TOM1L1: variants seen among roughly 807,000 people sequenced by gnomAD.
TOM1L1 encodes target of myb1 like 1 membrane trafficking protein.
A neutral mutation model predicts 63.4 loss-of-function variants in TOM1L1; 64 were observed. The ratio of observed to expected loss-of-function variants is 1.01; its 90% CI spans 0.83 to 1.24. The LOEUF is 1.24. TOM1L1 is among the 50% of genes most tolerant of loss of function. The pLI, the probability that TOM1L1 is intolerant of heterozygous loss-of-function variation, is 0.00. For synonymous variants in TOM1L1, 166 were observed against 194.4 expected (o/e 0.85, Z 1.22); for missense variants, 536 against 567.0 (o/e 0.95, Z 0.55).
chr17:54,921,876 A>G (rs891144559), intron 7 of TOM1L1, among the ~76,000 whole-genome samples: 48 of 152,354 alleles, frequency 3.2e-4, no homozygotes, highest in African/African-American at 1.1e-3. Flanking sequence ...CTTAGCTACT[A>G]ATAGCCTACT....
intron 2 of TOM1L1, 72 bp downstream of exon 2, chr17:54,903,864 C>A: frequency 2.2e-6 from 3 of 1,384,558 alleles, no homozygotes; most frequent in Non-Finnish European, 3.0e-6. Context: ...TTTTCTCTTG[C>A]AAATATTTCG....
At chr17:54,940,676 G>GA (rs921667577) in intron 11 of TOM1L1, among the ~76,000 whole-genome samples, 1 of 151,832 alleles carries the variant, frequency 6.6e-6, no homozygotes, top group Non-Finnish European at 1.5e-5. Flanking sequence ...TGCTAAGTAG[G>GA]AAAAAAAGGT....
chr17:54,958,748 A>AGGG (rs57608062), intron 14 of TOM1L1, among the ~76,000 whole-genome samples: 1 of 118,928 alleles, frequency 8.4e-6, no homozygotes, highest in Non-Finnish European at 1.7e-5. Context: ...AAAAAAAAAA[A>AGGG]GGGGTTGTTG....
At chr17:54,900,979 C>A in intron 1 of TOM1L1, 56 bp downstream of exon 1, 1 of 1,609,578 alleles carries the variant, frequency 6.2e-7, no homozygotes, top group Non-Finnish European at 8.5e-7. Context: ...GGATCCTTTC[C>A]TGCTTGATCC....
At chr17:54,934,029 G>C (rs2048907507) in intron 8 of TOM1L1, among the ~76,000 whole-genome samples, 1 of 152,206 alleles carries the variant, frequency 6.6e-6, no homozygotes, top group Non-Finnish European at 1.5e-5. Flanking sequence ...GTGAGAAGGG[G>C]CTAGAGGAAT....
intron 14 of TOM1L1, among the ~76,000 whole-genome samples, chr17:54,951,370 T>A (rs963338832): frequency 6.6e-6 from 1 of 152,130 alleles, no homozygotes; most frequent in African/African-American, 2.4e-5. Flanking sequence ...AACCCAGTCC[T>A]CTAGGGTTTT....
Position 54,912,821 on chromosome 17 carries a change from T to G in TOM1L1, c.372+6T>G. On this transcript the variant is annotated splice_donor_region_variant and intron_variant, in intron 4 of 15. Coordinates refer to ENST00000575882, the MANE Select transcript of TOM1L1 (RefSeq NM_005486.3). Reference sequence around the variant, plus strand: ...GAATCTTGAATTTCATTAAGGTAAGTCTGTTGTATACCTCATGGGATGGTA... The same window carrying G: ...GAATCTTGAATTTCATTAAGGTAAGGCTGTTGTATACCTCATGGGATGGTA... The G allele has an allele frequency of 6.3e-7, 1 of 1,598,504 alleles. No individual in the cohort carries two copies. The highest frequency in any genetic ancestry group is 8.5e-7 in the Non-Finnish European group (1 of 1,174,852).
chr17:54,931,949 G>GTTTTTTTTTTT (rs10632110), intron 8 of TOM1L1, among the ~76,000 whole-genome samples: 15 of 121,454 alleles, frequency 1.2e-4, no homozygotes, highest in African/African-American at 2.6e-4. Context: ...TTTTTTCTTC[G>GTTTTTTTTTTT]TTTTTTTTTT....
chr17:54,922,977 AT>A (rs1157862895), intron 7 of TOM1L1, among the ~76,000 whole-genome samples: 1 of 152,200 alleles, frequency 6.6e-6, no homozygotes, highest in Non-Finnish European at 1.5e-5. Context: ...TGTTCTGGAC[AT>A]TTCATATAGG....
chr17:54,939,901 C>T (rs1271908943), intron 11 of TOM1L1, among the ~76,000 whole-genome samples: 1 of 152,104 alleles, frequency 6.6e-6, no homozygotes, highest in Non-Finnish European at 1.5e-5. Flanking sequence ...GGTCATTTCT[C>T]TATTGAAGGA....
In TOM1L1 at chr17:54,955,714, TTC is replaced by T. The variant is rs571334325; in HGVS notation, c.1371-4850_1371-4849del. 1.3e-4 allele frequency among the ~76,000 whole-genome samples: 20 copies of T among 152,206 alleles called. No individual in the cohort carries two copies. The South Asian group carries it at 3.7e-3, about 28-fold the overall frequency. On this transcript the variant is annotated intron_variant, in intron 14 of 15. Transcript: ENST00000575882. Reference sequence around the variant, plus strand: ...GTCTCCCAGACCTGAAAGAAGGAACTTCTTTTTCTCAACAATCCTGGATCCCT... The same window carrying T: ...GTCTCCCAGACCTGAAAGAAGGAACTTTTTTCTCAACAATCCTGGATCCCT...
rs1215724754 is a variant in TOM1L1 at position 54,930,298 on chromosome 17, C to T, written c.854+92C>T. ...TCTTATCAGAGTGCCTACAAGTGAC[C>T]CCTCTTTCTAGATTCTCCATTCTCA... On this transcript the variant is annotated intron_variant, in intron 8 of 15. Transcript: ENST00000575882. 1.2e-5 allele frequency: 18 copies of T among 1,535,318 alleles called. No individual in the cohort carries two copies. The Admixed American group carries it at 2.8e-4, about 24-fold the overall frequency.
chr17:54,929,991 G>A (rs2048831033), intron 7 of TOM1L1, 82 bp from the exon 8 acceptor site: 1 of 1,567,390 alleles, frequency 6.4e-7, no homozygotes, highest in African/African-American at 1.4e-5. Context: ...GGTGACTGTA[G>A]GTATGCGCAG....
At chr17:54,950,539 T>A (rs557833749) in intron 14 of TOM1L1, among the ~76,000 whole-genome samples, 2 of 152,340 alleles carry the variant, frequency 1.3e-5, no homozygotes, top group South Asian at 4.1e-4. Flanking sequence ...TTTTTAGTCT[T>A]CTAAAGCATT....
chr17:54,950,101 C>T lies in TOM1L1; in HGVS notation c.1345C>T (p.Pro449Ser). 1 of 1,613,594 alleles carries T rather than the reference C, an allele frequency of 6.2e-7. No individual in the cohort carries two copies. Among genetic ancestry groups the T allele is most frequent in the Non-Finnish European group, 8.5e-7 (1 of 1,179,636 alleles). ...TTACTACGAGGTAATGGAGTTTGAT[C>T]CCTTAGCTCCTGCTGTCACTACAGA... is the stretch of plus-strand genomic sequence containing the variant. ...PNYYEVMEFD[P>S]LAPAVTTEAI... Residue 449 changes from proline (P) to serine (S), a missense_variant, in exon 14 of 16, where the codon CCC (proline) becomes TCC (serine). Coordinates refer to ENST00000575882, the MANE Select transcript of TOM1L1 (RefSeq NM_005486.3).
rs1319156831 is a variant in TOM1L1, at chr17:54,950,146, ATTAAT to A, written c.1370+24_1370+28del. On this transcript the variant is annotated intron_variant, in intron 14 of 15. Transcript: ENST00000575882. ...TACAGAGTAAGTCATTTACAAAATG[ATTAAT>A]TTATTTTTTGTCTTGGTTCCCTTTG... 2 of 1,587,444 alleles carry A rather than the reference ATTAAT, an allele frequency of 1.3e-6. No individual in the cohort carries two copies. Among genetic ancestry groups the A allele is most frequent in the Non-Finnish European group, 1.7e-6 (2 of 1,158,026 alleles).
At chr17:54,919,618 G>C (rs58665084) in intron 7 of TOM1L1, among the ~76,000 whole-genome samples, 1,730 of 152,256 alleles carry the variant, frequency 0.011, 28 homozygotes, top group African/African-American at 0.04. Context: ...AAGAGTCTTA[G>C]GTTATAAATC....
rs753454765 is a variant in TOM1L1 at position 54,938,938 on chromosome 17, AGTTCTGAT to A, written c.1051_1058del (p.Ser351AsnfsTer40). The A allele has an allele frequency of 1.9e-6, 3 of 1,609,314 alleles. No individual in the cohort carries two copies. In the Admixed American group the frequency reaches 5.0e-5, roughly 27 times the overall value. On this transcript the variant is annotated frameshift_variant, in exon 11 of 16. Coordinates refer to ENST00000575882, the MANE Select transcript of TOM1L1 (RefSeq NM_005486.3). LOFTEE classifies it high-confidence loss of function. ...TTGTGTTTTAGATTTCAGCCTTCCAAGTTCTGATGTAACAAACAACTTAAAACCCAGTC... is the reference window on the plus strand; with the variant it reads ...TTGTGTTTTAGATTTCAGCCTTCCAAGTAACAAACAACTTAAAACCCAGTC...
chr17:54,943,935 G>A (rs528014944), intron 11 of TOM1L1, among the ~76,000 whole-genome samples: 24 of 151,546 alleles, frequency 1.6e-4, no homozygotes, highest in African/African-American at 5.6e-4. Context: ...CGAGATTACA[G>A]CCACTGCACT....
Sources: allele counts gnomAD v4.1 joint callset (sites outside exome capture counted in the v4.1 genomes callset), GRCh38; gene constraint gnomAD v4.1.1; transcripts MANE v1.5; gene names NCBI Gene and HGNC (gene_info 2026-07-23, HGNC 2026-07-21).